Variants in FGGY observed in about 807,000 individuals in gnomAD.
FGGY encodes FGGY carbohydrate kinase domain containing.
In FGGY, 72 loss-of-function variants were observed where a neutral mutation model predicts 71.3. The ratio of observed to expected loss-of-function variants is 1.01; its 90% CI spans 0.84 to 1.23. The LOEUF is 1.23. FGGY is among the 50% of genes most tolerant of loss of function. The pLI is 0.00. For synonymous variants in FGGY, 251 were observed against 250.3 expected (o/e 1.00, Z -0.02); for missense variants, 668 against 682.3 (o/e 0.98, Z 0.23).
intron 6 of FGGY, among the ~76,000 whole-genome samples, chr1:59,468,307 C>T (rs1057484851): frequency 1.3e-5 from 2 of 152,192 alleles, no homozygotes; most frequent in African/African-American, 4.8e-5. Context: ...TCAGTGTTCA[C>T]TGTCATCTTT....
chr1:59,532,231 G>A (rs1022234127), intron 7 of FGGY, among the ~76,000 whole-genome samples: 35 of 152,258 alleles, frequency 2.3e-4, no homozygotes, highest in African/African-American at 7.5e-4. Flanking sequence ...ATGGAGTAAA[G>A]TCAACAGCAT....
chr1:59,571,562 G>A (rs573466397), intron 8 of FGGY, among the ~76,000 whole-genome samples: 2 of 152,314 alleles, frequency 1.3e-5, no homozygotes, highest in African/African-American at 4.8e-5. Context: ...CACATGCCCT[G>A]TACTCTACCA....
intron 14 of FGGY, among the ~76,000 whole-genome samples, chr1:59,689,453 G>A (rs1236880171): frequency 6.6e-6 from 1 of 152,078 alleles, no homozygotes; most frequent in East Asian, 1.9e-4. Flanking sequence ...ACCACAAACA[G>A]ATCAATTAGG....
At position 59,534,080 on chromosome 1, in the gene FGGY, T is replaced by C. The variant is rs2095244386; in HGVS notation, c.800-20044T>C. Among the ~76,000 whole-genome samples, 3 of 152,220 alleles carry C rather than the reference T, an allele frequency of 2.0e-5. No homozygotes were observed. In the East Asian group the frequency reaches 5.8e-4, roughly 29 times the overall value. ...CCAAAGGCAAAGAAGTTGAAAACTT[T>C]GAAAAACATTTAGAAGAATGTATAA... On this transcript the variant is annotated intron_variant, in intron 7 of 15. Coordinates refer to ENST00000303721, the MANE Select transcript of FGGY (RefSeq NM_018291.5).
chr1:59,712,437 G>A (rs1166605525), intron 14 of FGGY, among the ~76,000 whole-genome samples: 2 of 152,158 alleles, frequency 1.3e-5, no homozygotes. Flanking sequence ...CCACTAGGCG[G>A]TACCCCAGTA....
intron 8 of FGGY, among the ~76,000 whole-genome samples, chr1:59,566,101 G>A (rs2095868840): frequency 6.6e-6 from 1 of 151,920 alleles, no homozygotes; most frequent in African/African-American, 2.4e-5. Flanking sequence ...CCACACATCT[G>A]TTGTGTGGGT....
chr1:59,436,468 C>G (rs1204007801), intron 5 of FGGY, among the ~76,000 whole-genome samples: 1 of 152,178 alleles, frequency 6.6e-6, no homozygotes, highest in Non-Finnish European at 1.5e-5. Flanking sequence ...TCTGGCTTTT[C>G]TGCCCATGGC....
At chr1:59,330,740 G>C (rs559220682) in intron 2 of FGGY, among the ~76,000 whole-genome samples, 115 of 152,200 alleles carry the variant, frequency 7.6e-4, no homozygotes, top group African/African-American at 2.7e-3. Context: ...ATCAAGGATC[G>C]AATCCTAGCT....
At chr1:59,539,993 A>G (rs2095414536) in intron 7 of FGGY, among the ~76,000 whole-genome samples, 1 of 152,238 alleles carries the variant, frequency 6.6e-6, no homozygotes, top group Non-Finnish European at 1.5e-5. Flanking sequence ...GGATATACAA[A>G]TGGACAATAA....
At chr1:59,613,342 C>T (rs1488931209) in intron 9 of FGGY, among the ~76,000 whole-genome samples, 1 of 152,190 alleles carries the variant, frequency 6.6e-6, no homozygotes, top group African/African-American at 2.4e-5. Flanking sequence ...GTTTCAGAAA[C>T]TCACTCAAAA....
intron 1 of FGGY, among the ~76,000 whole-genome samples, chr1:59,304,166 CGAG>C (rs776650433): frequency 3.3e-5 from 5 of 152,008 alleles, no homozygotes; most frequent in Admixed American, 6.6e-5. Flanking sequence ...AGACCAATGT[CGAG>C]GAGTTTTTTG....
chr1:59,580,334 G>T (rs897147758), intron 8 of FGGY, among the ~76,000 whole-genome samples: 1 of 152,022 alleles, frequency 6.6e-6, no homozygotes, highest in South Asian at 2.1e-4. Context: ...TTCCTAACTT[G>T]CTTTAGCCTT....
intron 7 of FGGY, among the ~76,000 whole-genome samples, chr1:59,536,322 T>C (rs2095313741): frequency 6.6e-6 from 1 of 152,168 alleles, no homozygotes; most frequent in Admixed American, 6.5e-5. Flanking sequence ...GGCTCTGAAA[T>C]TGTGTCAATA....
chr1:59,613,683 C>A (rs1169168527), intron 9 of FGGY, among the ~76,000 whole-genome samples: 3 of 151,998 alleles, frequency 2.0e-5, no homozygotes, highest in Admixed American at 1.3e-4. Context: ...CACAAAAAAC[C>A]CTTCAAAAAA....
In FGGY at chr1:59,507,684, A is replaced by ATTTTT. The variant is rs561953004; in HGVS notation, c.671-4608_671-4604dup. On this transcript the variant is annotated intron_variant, in intron 6 of 15. Transcript: ENST00000303721. ...AGGCAACTGCAACCATGCTTGGCTA[A>ATTTTT]TTTTTTTTTTTTTTTTTTTTTTTGT... 3.5e-3 allele frequency among the ~76,000 whole-genome samples: 370 copies of ATTTTT among 106,866 alleles called. 9 individuals are homozygous for ATTTTT. The highest frequency in any genetic ancestry group is 0.013 in the African/African-American group (323 of 24,566). 70.1% of individuals were successfully genotyped at this position (106,866 alleles called of 152,430 possible). A position where few individuals can be genotyped will look rare whatever the true frequency, so the allele number is the denominator to read the frequency against.
rs774639260 is a variant in FGGY, at chr1:59,512,457, G to T, written c.799+18G>T. The T allele has an allele frequency of 6.2e-7, 1 of 1,609,742 alleles. No individual in the cohort carries two copies. The highest frequency in any genetic ancestry group is 1.1e-5 in the South Asian group (1 of 90,322). ...AGGACTAGGTAATCTCTTATTTGTT[G>T]CCTACAGCCAAAACCGTATTCAAAT... On this transcript the variant is annotated intron_variant, in intron 7 of 15. Transcript: ENST00000303721.
chr1:59,668,748 C>T (rs1047397190), intron 13 of FGGY, among the ~76,000 whole-genome samples: 1 of 151,780 alleles, frequency 6.6e-6, no homozygotes, highest in Non-Finnish European at 1.5e-5. Context: ...TTTGGGAGGC[C>T]GAGGTGGGCG....
intron 5 of FGGY, among the ~76,000 whole-genome samples, chr1:59,401,165 T>A (rs1482369359): frequency 6.6e-6 from 1 of 152,220 alleles, no homozygotes; most frequent in African/African-American, 2.4e-5. Context: ...TTAAATTATT[T>A]AAAATTTCCT....
At chr1:59,556,671 G>A (rs546926622) in intron 8 of FGGY, among the ~76,000 whole-genome samples, 1 of 152,272 alleles carries the variant, frequency 6.6e-6, no homozygotes, top group East Asian at 1.9e-4. Flanking sequence ...ACTTCTCTAA[G>A]CTTCAGATTC....
Sources: allele counts gnomAD v4.1 joint callset (sites outside exome capture counted in the v4.1 genomes callset), GRCh38; gene constraint gnomAD v4.1.1; transcripts MANE v1.5; gene names NCBI Gene and HGNC (gene_info 2026-07-23, HGNC 2026-07-21).